Variants in PARD3 observed in about 807,000 individuals in gnomAD.
PARD3 encodes par-3 family cell polarity regulator.
Under a neutral mutation model 155.4 loss-of-function variants are expected in PARD3, and 75 were observed. The observed-to-expected ratio is 0.48, with a 90% CI of 0.40 to 0.58. The LOEUF is 0.58. Among genes scored for constraint, PARD3 ranks in the 20% least tolerant of loss-of-function variants. The pLI is 0.00. For synonymous variants in PARD3, 576 were observed against 610.5 expected, an observed-to-expected ratio of 0.94 and a Z score of 0.83; for missense variants, 1,642 against 1,721.7, an observed-to-expected ratio of 0.95 and a Z score of 0.82.
intron 5 of PARD3, among the ~76,000 whole-genome samples, chr10:34,432,041 CAAAAAAAAAAAAAAAA>C (rs142848273): frequency 1.7e-3 from 36 of 21,592 alleles, no homozygotes; most frequent in South Asian, 0.01. Flanking sequence ...GACTCTGTCT[CAAAAAAAAAAAAAAAA>C]AAAAAAAAAA....
intron 2 of PARD3, among the ~76,000 whole-genome samples, chr10:34,633,381 T>C (rs1194053529): frequency 1.4e-5 from 2 of 147,198 alleles, no homozygotes; most frequent in Admixed American, 1.4e-4. Context: ...CTAACCCCCA[T>C]TCCTCTTTGC....
chr10:34,636,984 T>G (rs989804998), intron 2 of PARD3, among the ~76,000 whole-genome samples: 1 of 152,222 alleles, frequency 6.6e-6, no homozygotes, highest in South Asian at 2.1e-4. Context: ...GAATAAGGCA[T>G]GAACTTAAAA....
chr10:34,331,687 A>C (rs1835633728), intron 18 of PARD3, among the ~76,000 whole-genome samples: 2 of 152,354 alleles, frequency 1.3e-5, no homozygotes, highest in Non-Finnish European at 2.9e-5. Context: ...TCATTTGAAA[A>C]GCAAGGGAAG....
At chr10:34,151,718 C>G (rs1948790523) in intron 22 of PARD3, among the ~76,000 whole-genome samples, 1 of 152,168 alleles carries the variant, frequency 6.6e-6, no homozygotes, top group South Asian at 2.1e-4. Flanking sequence ...GAAACCACAC[C>G]ATAAAGTGGA....
intron 4 of PARD3, among the ~76,000 whole-genome samples, chr10:34,452,061 T>A (rs903056212): frequency 2.6e-5 from 4 of 152,104 alleles, no homozygotes; most frequent in Admixed American, 1.3e-4. Context: ...CAGAACCTTA[T>A]GTGTCGACAA....
In PARD3 at chr10:34,696,406, C is replaced by A; in HGVS notation, c.134G>T (p.Trp45Leu). ...RKAIAKDPNY[W>L]IQVHRLEHGD... ...ATGTTCCAAGCGATGCACCTGTATC[C>A]AGTAGTTTGGATCCTATACGAAAGA... The change falls in exon 2 of 25, where the codon TGG becomes TTG. Residue 45 changes from tryptophan to leucine, a missense_variant. Trp to Leu is a moderately conservative substitution (Grantham distance 61, BLOSUM62 -2). Transcript: ENST00000374788. 6.2e-7 allele frequency: 1 copy of A among 1,605,050 alleles called. No individual in the cohort carries two copies. The highest frequency in any genetic ancestry group is 2.2e-5 in the East Asian group (1 of 44,822).
chr10:34,480,457 C>A (rs1002306309), intron 3 of PARD3, among the ~76,000 whole-genome samples: 4 of 152,172 alleles, frequency 2.6e-5, no homozygotes, highest in African/African-American at 9.7e-5. Context: ...AGGCTGGTCA[C>A]AAACTCCTGG....
intron 22 of PARD3, among the ~76,000 whole-genome samples, chr10:34,215,048 A>G (rs1251263421): frequency 6.6e-6 from 1 of 152,234 alleles, no homozygotes; most frequent in African/African-American, 2.4e-5. Context: ...ATCTTGCATC[A>G]ATCCTGCAAT....
chr10:34,799,373 A>C (rs769955149), intron 1 of PARD3, among the ~76,000 whole-genome samples: 4 of 151,974 alleles, frequency 2.6e-5, no homozygotes, highest in Non-Finnish European at 5.9e-5. Context: ...AGGTGTCTAG[A>C]ATGGGCCCCG....
chr10:34,784,917 A>G (rs1371016838), intron 1 of PARD3, among the ~76,000 whole-genome samples: 1 of 151,124 alleles, frequency 6.6e-6, no homozygotes, highest in Non-Finnish European at 1.5e-5. Context: ...ATTCATTCCC[A>G]TTTTCACCTC....
intron 23 of PARD3, among the ~76,000 whole-genome samples, chr10:34,120,162 A>T (rs1946914671): frequency 1.4e-5 from 2 of 145,460 alleles, no homozygotes; most frequent in Non-Finnish European, 3.0e-5. Context: ...GATTACAAGC[A>T]CAGGCCACCA....
intron 2 of PARD3, among the ~76,000 whole-genome samples, chr10:34,667,009 A>G (rs2093502614): frequency 6.6e-6 from 1 of 151,858 alleles, no homozygotes; most frequent in African/African-American, 2.4e-5. Context: ...TCTCTACTAG[A>G]AATACAAAAA....
chr10:34,359,338 A>T (rs1839212834), intron 13 of PARD3, 21 bp from the exon 14 acceptor site: 1 of 1,594,528 alleles, frequency 6.3e-7, no homozygotes. Flanking sequence ...AACAGGTAAA[A>T]ATAAGTGCTA....
intron 2 of PARD3, among the ~76,000 whole-genome samples, chr10:34,520,344 T>C (rs745659179): frequency 6.6e-5 from 10 of 152,068 alleles, no homozygotes; most frequent in South Asian, 2.1e-4. Context: ...ACCACGGTAA[T>C]TGGTATGAAG....
chr10:34,756,150 C>CTTTTTTTTT (rs58993670), intron 1 of PARD3, among the ~76,000 whole-genome samples: 1 of 94,558 alleles, frequency 1.1e-5, no homozygotes, highest in African/African-American at 4.2e-5. Context: ...AAAAATGCAC[C>CTTTTTTTTT]TTTTTTTTTT....
At chr10:34,697,483 T>A (rs1417490585) in intron 1 of PARD3, among the ~76,000 whole-genome samples, 2 of 151,986 alleles carry the variant, frequency 1.3e-5, no homozygotes, top group East Asian at 3.9e-4. Context: ...GGAGCAGGGG[T>A]GCGGGGAGAA....
chr10:34,696,472 G>A (rs2094174955), intron 1 of PARD3, 53 bp from the exon 2 acceptor site: 22 of 1,085,128 alleles, frequency 2.0e-5, no homozygotes, highest in Non-Finnish European at 3.0e-5. Flanking sequence ...CACCAAAAGG[G>A]AATTAGACAT....
chr10:34,171,676 C>T (rs1253949314), intron 22 of PARD3, among the ~76,000 whole-genome samples: 4 of 151,876 alleles, frequency 2.6e-5, no homozygotes, highest in South Asian at 2.1e-4. Context: ...AGGCCAGGTG[C>T]GGTGGCTCAC....
At chr10:34,669,246 G>C (rs2093562423) in intron 2 of PARD3, among the ~76,000 whole-genome samples, 1 of 152,136 alleles carries the variant, frequency 6.6e-6, no homozygotes, top group Non-Finnish European at 1.5e-5. Context: ...AAAAGAAAAT[G>C]TGGTATACAG....
Sources: gnomAD v4.1 joint callset for allele counts (sites outside exome capture counted in the v4.1 genomes callset) on GRCh38, gnomAD v4.1.1 for gene constraint, MANE v1.5 for transcripts, NCBI Gene and HGNC (gene_info 2026-07-23, HGNC 2026-07-21) for gene names.